Variants in DNAJC8 observed in about 807,000 individuals in gnomAD.
The protein encoded by DNAJC8 is dnaJ homolog subfamily C member 8.
In DNAJC8, 24 loss-of-function variants were observed where a neutral mutation model predicts 43.2. The ratio of observed to expected loss-of-function variants is 0.56; its 90% CI spans 0.40 to 0.78. The LOEUF (loss-of-function observed/expected upper bound fraction) is 0.78, where lower values mean the gene tolerates loss of function less well. Among genes scored for constraint, DNAJC8 ranks in the 30% least tolerant of loss-of-function variants. The pLI is 0.00. For synonymous variants in DNAJC8, 83 were observed against 98.0 expected, an observed-to-expected ratio of 0.85 and a Z score of 0.90; for missense variants, 207 against 299.4, an observed-to-expected ratio of 0.69 and a Z score of 2.28.
At chr1:28,229,582 T>C (rs1302826791) in intron 1 of DNAJC8, among the ~76,000 whole-genome samples, 2 of 152,164 alleles carry the variant, frequency 1.3e-5, no homozygotes, top group Non-Finnish European at 1.5e-5. Context: ...GAGTCCATCC[T>C]GGCCAACATG....
intron 2 of DNAJC8, among the ~76,000 whole-genome samples, chr1:28,228,421 C>G (rs1383738228): frequency 6.6e-6 from 1 of 151,142 alleles, no homozygotes; most frequent in Non-Finnish European, 1.5e-5. Context: ...AAATTAAATC[C>G]TTATATATTT....
chr1:28,220,125 A>G (rs1646889093), intron 2 of DNAJC8, among the ~76,000 whole-genome samples: 1 of 152,236 alleles, frequency 6.6e-6, no homozygotes. Context: ...TGATTGGGCA[A>G]AAAGGAGGAG....
At chr1:28,221,579 C>G (rs575479543) in intron 2 of DNAJC8, among the ~76,000 whole-genome samples, 1 of 152,314 alleles carries the variant, frequency 6.6e-6, no homozygotes, top group South Asian at 2.1e-4. Context: ...TCTGTCCCTT[C>G]TCATCCATCA....
intron 4 of DNAJC8, 129 bp downstream of exon 4, chr1:28,210,442 A>G (rs1646803075): frequency 1.3e-6 from 1 of 776,716 alleles, no homozygotes; most frequent in Admixed American, 2.6e-5. Context: ...CAACTGCTCT[A>G]CTGAAAACCA....
chr1:28,203,957 G>C, intron 7 of DNAJC8, 135 bp from the exon 8 acceptor site: 1 of 830,050 alleles, frequency 1.2e-6, no homozygotes, highest in East Asian at 2.6e-5. Flanking sequence ...TGGCTGTCTG[G>C]AAAGGGCTCA....
chr1:28,210,654 G>T lies in DNAJC8; in HGVS notation c.238-17C>A, dbSNP rs1399636873. On this transcript the variant is annotated splice_polypyrimidine_tract_variant and intron_variant, in intron 3 of 8. Coordinates refer to ENST00000263697, the MANE Select transcript of DNAJC8 (RefSeq NM_014280.3). ...GATGGATAACTACAATAAGAGAAAA[G>T]TTGGGGTTGTCAATAAGGGAAACAT... The T allele has an allele frequency of 6.2e-7, 1 of 1,610,866 alleles. No individual in the cohort carries two copies. Among genetic ancestry groups the T allele is most frequent in the South Asian group, 1.1e-5 (1 of 90,922 alleles).
intron 1 of DNAJC8, among the ~76,000 whole-genome samples, chr1:28,231,556 A>G (rs1039954928): frequency 1.3e-5 from 2 of 151,844 alleles, no homozygotes; most frequent in Admixed American, 1.3e-4. Context: ...CTCTACCAAA[A>G]ATACAAAAAT....
chr1:28,205,613 C>T (rs1414613173), intron 6 of DNAJC8, among the ~76,000 whole-genome samples: 2 of 152,128 alleles, frequency 1.3e-5, no homozygotes, highest in African/African-American at 2.4e-5. Context: ...GCAGGCCAGG[C>T]GCAGTAGCTC....
At chr1:28,211,061 C>T (rs1284415699) in intron 3 of DNAJC8, among the ~76,000 whole-genome samples, 2 of 151,986 alleles carry the variant, frequency 1.3e-5, no homozygotes, top group Non-Finnish European at 2.9e-5. Context: ...GTAGTCCAAG[C>T]TATTTAGGAA....
At position 28,201,354 on chromosome 1, in the gene DNAJC8, C is replaced by T. The variant is rs750524396; in HGVS notation, c.656G>A (p.Arg219His). The T allele has an allele frequency of 1.9e-6, 3 of 1,613,894 alleles. No individual in the cohort carries two copies. Among genetic ancestry groups the T allele is most frequent in the Admixed American group, 1.7e-5 (1 of 60,002 alleles). The change falls in exon 9 of 9, where the codon CGT becomes CAT. Residue 219 changes from arginine to histidine, a missense_variant. Around this residue, in one of 2 missense-constraint regions of DNAJC8, gnomAD observed 159 missense variants for 267.5 expected, o/e 0.59. Transcript: ENST00000263697. ...QKNFEESRDG[R>H]VDSWRNFQAN... ...TTGGAAGTTTCGCCAGCTGTCCACA[C>T]GACCATCTCGACTTTCCTAAGTACA...
intron 2 of DNAJC8, among the ~76,000 whole-genome samples, chr1:28,217,527 C>T: frequency 6.6e-6 from 1 of 152,066 alleles, no homozygotes; most frequent in East Asian, 1.9e-4. Context: ...GCGCCCCACT[C>T]TCATAACTTC....
intron 1 of DNAJC8, among the ~76,000 whole-genome samples, chr1:28,229,468 T>C (rs1325532292): frequency 7.5e-6 from 1 of 133,666 alleles, no homozygotes. Context: ...ATTTATAGCT[T>C]TTAATTTTAA....
intron 3 of DNAJC8, among the ~76,000 whole-genome samples, chr1:28,212,161 A>G (rs1372689156): frequency 3.3e-5 from 1 of 30,116 alleles, no homozygotes; most frequent in Non-Finnish European, 9.5e-5. Context: ...GTCTCAATAA[A>G]TAAATAAATA....
chr1:28,221,375 GAACA>G (rs1646897455), intron 2 of DNAJC8, among the ~76,000 whole-genome samples: 2 of 151,922 alleles, frequency 1.3e-5, no homozygotes, highest in Admixed American at 1.3e-4. Flanking sequence ...AAGAAAGAAA[GAACA>G]GTCAGGGAGT....
intron 5 of DNAJC8, 46 bp downstream of exon 5, chr1:28,209,926 G>T: frequency 6.3e-7 from 1 of 1,575,990 alleles, no homozygotes; most frequent in Non-Finnish European, 8.7e-7. Context: ...GGTGCCCAAG[G>T]CTTGCTGATA....
At chr1:28,212,817 G>A (rs1231178803) in intron 3 of DNAJC8, among the ~76,000 whole-genome samples, 1 of 152,128 alleles carries the variant, frequency 6.6e-6, no homozygotes, top group African/African-American at 2.4e-5. Context: ...TCACCTACTA[G>A]CTATGAGACC....
intron 3 of DNAJC8, among the ~76,000 whole-genome samples, chr1:28,212,151 G>A (rs1393487432): frequency 1.2e-5 from 1 of 84,500 alleles, no homozygotes; most frequent in South Asian, 4.8e-4. Context: ...GCCGGACTCC[G>A]TCTCAATAAA....
At chr1:28,220,941 A>G (rs1646894026) in intron 2 of DNAJC8, among the ~76,000 whole-genome samples, 1 of 152,048 alleles carries the variant, frequency 6.6e-6, no homozygotes, top group Non-Finnish European at 1.5e-5. Flanking sequence ...AACCTCAGGG[A>G]GCTAATTAAT....
Position 28,201,377 on chromosome 1 carries a change from A to T in DNAJC8, c.640-7T>A, listed in dbSNP as rs35039225. The T allele has an allele frequency of 0.074, 118,755 of 1,613,814 alleles. 5,286 individuals are homozygous for T. Among genetic ancestry groups the T allele is most frequent in the Non-Finnish European group, 0.09 (106,617 of 1,179,980 alleles). On this transcript the variant is annotated splice_polypyrimidine_tract_variant and splice_region_variant and intron_variant, in intron 8 of 8. Transcript: ENST00000263697. The stretch of plus-strand genomic sequence containing the variant: ...CACGACCATCTCGACTTTCCTAAGT[A>T]CAAAAGAAGTTTGAGGTGAGGAGAC...
Sources: gnomAD v4.1 joint callset for allele counts (sites outside exome capture counted in the v4.1 genomes callset) on GRCh38, gnomAD v4.1.1 for gene constraint, gnomAD v4.1.1 regional missense constraint, MANE v1.5 for transcripts, NCBI Gene and HGNC (gene_info 2026-07-23, HGNC 2026-07-21) for gene names.